AHNAK: variants seen among roughly 807,000 people sequenced by gnomAD.
The protein encoded by AHNAK is neuroblast differentiation-associated protein AHNAK.
A neutral mutation model predicts 37.8 loss-of-function variants in AHNAK; 23 were observed. The ratio of observed to expected loss-of-function variants is 0.61; its 90% CI spans 0.44 to 0.86. The LOEUF (loss-of-function observed/expected upper bound fraction) is 0.86, where lower values mean the gene tolerates loss of function less well. Ranked by LOEUF, AHNAK falls within the 40% of genes least tolerant of loss-of-function variation. AHNAK has a pLI of 0.00. For missense variants in AHNAK, 7,411 were observed against 7,319.4 expected, an observed-to-expected ratio of 1.01 and a Z score of -0.46; for synonymous variants, 2,481 against 2,636.3, an observed-to-expected ratio of 0.94 and a Z score of 1.80.
chr11:62,528,479 G>T lies in AHNAK; in HGVS notation c.5938C>A (p.Pro1980Thr), dbSNP rs759675001. The change falls in exon 5 of 5, where the codon CCT (proline) becomes ACT (threonine). Residue 1980 changes from proline to threonine, a missense_variant. By Grantham distance (38) the Pro-to-Thr change is conservative (BLOSUM62 -1). Transcript: ENST00000378024. The part of the protein sequence containing the change: ...AKLKGPKFKM[P>T]EMHFKTPKIS... ...TTGGGGGTCTTGAAGTGCATCTCAG[G>T]CATCTTAAACTTGGGCCCTTTCAAC... 6.2e-7 allele frequency: 1 copy of T among 1,612,954 alleles called. No homozygotes were observed. Among genetic ancestry groups the T allele is most frequent in the South Asian group, 1.1e-5 (1 of 91,040 alleles).
chr11:62,461,766 G>A lies in AHNAK; in HGVS notation c.443-27875C>T, dbSNP rs192100911. 2.1e-4 allele frequency among the ~76,000 whole-genome samples: 32 copies of A among 151,410 alleles called. 1 individual carries two copies. Among genetic ancestry groups the A allele is most frequent in the African/African-American group, 6.5e-4 (27 of 41,284 alleles). On this transcript the variant is annotated intron_variant, in intron 5 of 5. Transcript: ENST00000257247. ...CTTGAACCCGGGAGGCGGAGGTTGC[G>A]GTGAGCCGAGATGGCGCCATTGCAC...
intron 4 of AHNAK, among the ~76,000 whole-genome samples, chr11:62,493,479 C>A (rs12289932): frequency 0.15 from 22,029 of 151,832 alleles, 3,934 homozygotes; most frequent in African/African-American, 0.42. Context: ...GCATGTGCCA[C>A]CACACCAGCT....
chr11:62,464,176 G>A (rs573195885), intron 5 of AHNAK, among the ~76,000 whole-genome samples: 43 of 151,686 alleles, frequency 2.8e-4, no homozygotes, highest in African/African-American at 9.7e-4. Context: ...CACAGGAACG[G>A]GCCACCATAC....
At position 62,516,521 on chromosome 11, in the gene AHNAK, C is replaced by T; in HGVS notation, c.*223G>A. On this transcript the variant is annotated 3_prime_UTR_variant, in exon 5 of 5. Coordinates refer to ENST00000378024, the MANE Select transcript of AHNAK (RefSeq NM_001620.3). ...GAAATCTTAAGGCAAATACTGTTGACTTTGCACATGGGCTGGACGAACTTG... is the reference window on the plus strand; with the variant it reads ...GAAATCTTAAGGCAAATACTGTTGATTTTGCACATGGGCTGGACGAACTTG... 7.1e-7 allele frequency: 1 copy of T among 1,403,602 alleles called. No individual in the cohort carries two copies. Among genetic ancestry groups the T allele is most frequent in the East Asian group, 2.6e-5 (1 of 38,254 alleles). 86.9% of individuals were successfully genotyped at this position (1,403,602 alleles called of 1,614,324 possible). A position where few individuals can be genotyped will look rare whatever the true frequency, so the allele number is the denominator to read the frequency against.
chr11:62,511,413 C>T (rs1939910197), downstream of AHNAK, among the ~76,000 whole-genome samples: 1 of 152,066 alleles, frequency 6.6e-6, no homozygotes, highest in Non-Finnish European at 1.5e-5. Context: ...CCACCACGTC[C>T]AGCTAATTTT....
Position 62,523,465 on chromosome 11 carries a change from T to A in AHNAK, c.10952A>T (p.Asp3651Val). Residue 3651 changes from aspartate (D) to valine (V), a missense_variant, in exon 5 of 5, where the codon GAT becomes GTT. Physicochemically the swap from Asp to Val is radical, Grantham distance 152. Coordinates refer to ENST00000378024, the MANE Select transcript of AHNAK (RefSeq NM_001620.3). ...GAACTTGGGGCCCTTCAGCTTTGCA[T>A]CTGGACCTTCAATATTCACGTCTGG... ...DVPDVNIEGP[D>V]AKLKGPKFKM... The A allele has an allele frequency of 6.2e-7, 1 of 1,613,710 alleles. No individual in the cohort carries two copies. The highest frequency in any genetic ancestry group is 1.3e-5 in the African/African-American group (1 of 74,920).
intron 3 of AHNAK, among the ~76,000 whole-genome samples, chr11:62,535,402 AC>A (rs1309410573): frequency 6.6e-6 from 1 of 152,096 alleles, no homozygotes; most frequent in Non-Finnish European, 1.5e-5. Flanking sequence ...TAATCTCAGC[AC>A]TTTGGGAGAC....
intron 5 of AHNAK, among the ~76,000 whole-genome samples, chr11:62,465,157 G>T (rs112334449): frequency 0.013 from 1,930 of 152,236 alleles, 34 homozygotes; most frequent in African/African-American, 0.045. Context: ...TCTCCCAGTT[G>T]GTGCCAAGCA....
chr11:62,461,918 A>G (rs1357756396), intron 5 of AHNAK, among the ~76,000 whole-genome samples: 1 of 152,148 alleles, frequency 6.6e-6, no homozygotes, highest in Non-Finnish European at 1.5e-5. Context: ...TGGCCCAGGA[A>G]AAAAATACCA....
intron 5 of AHNAK, among the ~76,000 whole-genome samples, chr11:62,478,504 T>G (rs1939195610): frequency 6.6e-6 from 1 of 152,036 alleles, no homozygotes; most frequent in Non-Finnish European, 1.5e-5. Context: ...AGGCCAAGGT[T>G]GGGGCTTGGA....
chr11:62,536,243 C>G (rs2134252480), intron 2 of AHNAK, 145 bp from the exon 3 acceptor site: 3 of 807,038 alleles, frequency 3.7e-6, no homozygotes, highest in Middle Eastern at 5.0e-4. Flanking sequence ...GCTCACCTGC[C>G]AGGTGAGGTG....
chr11:62,520,434 G>A lies in AHNAK; in HGVS notation c.13983C>T (p.Ser4661=), dbSNP rs770533728. ...GGCCCTCTCCTTTGAAGCCAGGCAT[G>A]CTGAACTTGGGCATTTTCACTTTGG... ...KMPKVKMPKF[S]MPGFKGEGPD... is the part of the protein sequence containing the mutation. The change falls in exon 5 of 5, where the codon AGC becomes AGT. Residue 4661 remains serine, a synonymous_variant. Coordinates refer to ENST00000378024, the MANE Select transcript of AHNAK (RefSeq NM_001620.3). The A allele has an allele frequency of 6.2e-7, 1 of 1,614,002 alleles. No homozygotes were observed. The highest frequency in any genetic ancestry group is 1.1e-5 in the South Asian group (1 of 91,056).
intron 5 of AHNAK, among the ~76,000 whole-genome samples, chr11:62,462,297 C>G (rs529876798): frequency 6.6e-6 from 1 of 152,120 alleles, no homozygotes; most frequent in South Asian, 2.1e-4. Context: ...CCTCAGCCCT[C>G]TTTAGCACTG....
chr11:62,475,872 T>C (rs559365209), intron 5 of AHNAK, among the ~76,000 whole-genome samples: 1 of 152,242 alleles, frequency 6.6e-6, no homozygotes, highest in Admixed American at 6.5e-5. Flanking sequence ...CCCAAAGTGC[T>C]GGGATTACAG....
rs758550511 is a variant in AHNAK, at chr11:62,519,606, T to TA, written c.14810dup (p.Leu4937PhefsTer5). ...CCTTGAGGTCCACTTCACCACCTTC[T>TA]AACTTCGGACCTGAAAATCCAATTT... On this transcript the variant is annotated frameshift_variant, in exon 5 of 5. Coordinates refer to ENST00000378024, the MANE Select transcript of AHNAK (RefSeq NM_001620.3). LOFTEE classifies it low-confidence loss of function (END_TRUNC). 1 of 1,613,702 alleles carries TA rather than the reference T, an allele frequency of 6.2e-7. No individual in the cohort carries two copies. The highest frequency in any genetic ancestry group is 8.5e-7 in the Non-Finnish European group (1 of 1,179,880).
intron 4 of AHNAK, chr11:62,491,858 G>A (rs944898120): frequency 6.3e-7 from 1 of 1,585,406 alleles, no homozygotes; most frequent in East Asian, 2.2e-5. Flanking sequence ...TTATCACCAG[G>A]TCACTCATCA....
intron 5 of AHNAK, among the ~76,000 whole-genome samples, chr11:62,445,284 A>AT (rs1000973913): frequency 2.2e-4 from 33 of 151,186 alleles, no homozygotes; most frequent in African/African-American, 5.6e-4. Flanking sequence ...AGAATGCACT[A>AT]TTTTTTTTTC....
intron 4 of AHNAK, 124 bp downstream of exon 4, chr11:62,534,879 G>C (rs1297945415): frequency 4.9e-6 from 5 of 1,014,468 alleles, no homozygotes; most frequent in Non-Finnish European, 7.2e-6. Context: ...AGTGAAGACA[G>C]GTGAGAGGAG....
At chr11:62,451,448 A>G (rs1331995771) in intron 5 of AHNAK, among the ~76,000 whole-genome samples, 1 of 141,640 alleles carries the variant, frequency 7.1e-6, no homozygotes, top group Non-Finnish European at 1.6e-5. Context: ...CCATCTAAAA[A>G]AAAAATTGGC....
Sources: allele counts gnomAD v4.1 joint callset (sites outside exome capture counted in the v4.1 genomes callset), GRCh38; gene constraint gnomAD v4.1.1; transcripts MANE v1.5; gene names NCBI Gene and HGNC (gene_info 2026-07-23, HGNC 2026-07-21).